The following IMPG2 variants were observed in gnomAD, a reference collection of about 807,000 sequenced individuals.
IMPG2 encodes the protein IPM 200.
IMPG2 carries 91 observed loss-of-function variants against 129.2 expected under a neutral mutation model. The observed-to-expected ratio is 0.70, with a 90% CI of 0.59 to 0.84. IMPG2 has a LOEUF of 0.84. Ranked by LOEUF, IMPG2 falls within the 40% of genes least tolerant of loss-of-function variation. IMPG2 has a pLI of 0.00. For synonymous variants in IMPG2, 510 were observed against 517.7 expected (o/e 0.99, Z 0.20); for missense variants, 1,430 against 1,461.7 (o/e 0.98, Z 0.35).
In IMPG2 at chr3:101,291,474, C is replaced by T; in HGVS notation, c.533+5G>A. The T allele has an allele frequency of 6.2e-7, 1 of 1,612,694 alleles. No individual in the cohort carries two copies. The highest frequency in any genetic ancestry group is 8.5e-7 in the Non-Finnish European group (1 of 1,178,812). On this transcript the variant is annotated splice_donor_5th_base_variant and intron_variant, in intron 4 of 18. Coordinates refer to ENST00000193391, the MANE Select transcript of IMPG2 (RefSeq NM_016247.4). ...ACATGAATTTTGGGAAAAAGAGACA[C>T]TCACCTGCTTACAGTTTCCTTTGCA...
rs1706470273 is a variant in IMPG2 at position 101,245,845 on chromosome 3, C to T, written c.1500G>A (p.Val500=). Residue 500 remains valine, a synonymous_variant, in exon 12 of 19, where the codon GTG becomes GTA. Coordinates refer to ENST00000193391, the MANE Select transcript of IMPG2 (RefSeq NM_016247.4). ...ATCCAGAAGTCCTTTCCTCAGAAGC[C>T]ACAGGCAAGCCAGTCTGAAGCACTG... ...TPAVLQTGLP[V]ASEERTSGSH... 6.2e-7 allele frequency: 1 copy of T among 1,614,080 alleles called. No individual in the cohort carries two copies. Among genetic ancestry groups the T allele is most frequent in the Admixed American group, 1.7e-5 (1 of 59,992 alleles).
intron 2 of IMPG2, among the ~76,000 whole-genome samples, chr3:101,318,315 T>C (rs1271002120): frequency 3.9e-5 from 6 of 151,974 alleles, no homozygotes; most frequent in Non-Finnish European, 7.4e-5. Flanking sequence ...GCATATGGCC[T>C]ATACTCAAAA....
In IMPG2 at chr3:101,269,500, G is replaced by A. The variant is rs1482652233; in HGVS notation, c.887+15C>T. The A allele has an allele frequency of 4.8e-6, 7 of 1,454,806 alleles. No homozygotes were observed. Among genetic ancestry groups the A allele is most frequent in the Non-Finnish European group, 5.8e-6 (6 of 1,035,372 alleles). 90.1% of individuals were successfully genotyped at this position (1,454,806 alleles called of 1,614,324 possible). A position where few individuals can be genotyped will look rare whatever the true frequency, so the allele number is the denominator to read the frequency against. ...ATACTACTGAAAATGTGCATATTTAGATAAGTCTATTTACCTAAATTCAAG... is the reference window on the plus strand; with the variant it reads ...ATACTACTGAAAATGTGCATATTTAAATAAGTCTATTTACCTAAATTCAAG... On this transcript the variant is annotated intron_variant, in intron 8 of 18. Transcript: ENST00000193391.
intron 7 of IMPG2, among the ~76,000 whole-genome samples, chr3:101,270,985 G>A (rs535409902): frequency 1.3e-5 from 2 of 152,264 alleles, no homozygotes; most frequent in Admixed American, 6.5e-5. Context: ...GTCCTCATAT[G>A]AGGAGAGTGG....
At chr3:101,314,009 T>A (rs754057561) in intron 2 of IMPG2, among the ~76,000 whole-genome samples, 8 of 152,116 alleles carry the variant, frequency 5.3e-5, no homozygotes, top group Non-Finnish European at 1.2e-4. Flanking sequence ...GTGAAATCCT[T>A]ATAAATAAAT....
chr3:101,279,201 A>G (rs1481430764), intron 4 of IMPG2, among the ~76,000 whole-genome samples: 1 of 152,216 alleles, frequency 6.6e-6, no homozygotes, highest in Non-Finnish European at 1.5e-5. Context: ...AGCCCTCATC[A>G]TGTGTCATAC....
chr3:101,305,099 T>C (rs956278791), intron 2 of IMPG2, among the ~76,000 whole-genome samples: 3 of 152,174 alleles, frequency 2.0e-5, no homozygotes, highest in Non-Finnish European at 4.4e-5. Context: ...GTGATGAAGA[T>C]GTCCTTCAAT....
chr3:101,264,359 A>G (rs572541560), intron 9 of IMPG2, among the ~76,000 whole-genome samples: 1 of 152,270 alleles, frequency 6.6e-6, no homozygotes, highest in East Asian at 1.9e-4. Context: ...CACCATGACC[A>G]AGTAGGATTT....
chr3:101,253,234 G>A (rs62282867), intron 11 of IMPG2, among the ~76,000 whole-genome samples: 121,734 of 151,284 alleles, frequency 0.8, 49,015 homozygotes, highest in Admixed American at 0.83. Flanking sequence ...GCTAGTGGAT[G>A]ATATTCTTTC....
intron 13 of IMPG2, 60 bp from the exon 14 acceptor site, chr3:101,242,967 C>A (rs1247687115): frequency 2.5e-5 from 35 of 1,392,014 alleles, no homozygotes; most frequent in East Asian, 2.3e-4. Context: ...TCAATACATA[C>A]CCAAACAAAA....
chr3:101,243,504 C>A, intron 13 of IMPG2, 25 bp downstream of exon 13: 1 of 1,606,060 alleles, frequency 6.2e-7, no homozygotes, highest in South Asian at 1.1e-5. Context: ...TTCACTAGTG[C>A]CCATGTTTCA....
intron 6 of IMPG2, 132 bp downstream of exon 6, chr3:101,275,531 T>C (rs1164389094): frequency 1.4e-6 from 1 of 721,308 alleles, no homozygotes; most frequent in East Asian, 2.6e-5. Context: ...ATGTACTGGT[T>C]TTAGGATCCA....
At chr3:101,255,885 A>G (rs1706592959) in intron 10 of IMPG2, among the ~76,000 whole-genome samples, 1 of 151,844 alleles carries the variant, frequency 6.6e-6, no homozygotes, top group South Asian at 2.1e-4. Context: ...TAGTTCTATA[A>G]TACTCTCATT....
Position 101,269,564 on chromosome 3 carries a change from C to T in IMPG2, c.838G>A (p.Ala280Thr), listed in dbSNP as rs777933245. 6.3e-7 allele frequency: 1 copy of T among 1,581,470 alleles called. No individual in the cohort carries two copies. Residue 280 changes from alanine (A) to threonine (T), a missense_variant, in exon 8 of 19, where the codon GCA becomes ACA. Coordinates refer to ENST00000193391, the MANE Select transcript of IMPG2 (RefSeq NM_016247.4). ...EEEFISEVEN[A>T]FTGLPGYKEI... Reference sequence around the variant, plus strand: ...TTGTAGCCTGGTAACCCAGTAAATGCATTTTCAACCTGTTAAAAGTACAAA... The same window carrying T: ...TTGTAGCCTGGTAACCCAGTAAATGTATTTTCAACCTGTTAAAAGTACAAA...
In IMPG2 at chr3:101,226,952, C is replaced by T. The variant is rs199541140; in HGVS notation, c.*17G>A. 6.2e-7 allele frequency: 1 copy of T among 1,612,834 alleles called. No individual in the cohort carries two copies. Among genetic ancestry groups the T allele is most frequent in the Admixed American group, 1.7e-5 (1 of 59,998 alleles). ...TCTTCTCCAGGCTTCTAATCAGTTT[C>T]AGAACAGGAGTTTTGGTTAAACCTC... On this transcript the variant is annotated 3_prime_UTR_variant, in exon 19 of 19. Coordinates refer to ENST00000193391, the MANE Select transcript of IMPG2 (RefSeq NM_016247.4).
In IMPG2 at chr3:101,228,788, A is replaced by G. The variant is rs1201504984; in HGVS notation, c.3713+9T>C. 1 of 1,612,552 alleles carries G rather than the reference A, an allele frequency of 6.2e-7. No individual in the cohort carries two copies. Among genetic ancestry groups the G allele is most frequent in the East Asian group, 2.2e-5 (1 of 44,846 alleles). ...TAGGTCGGGGTGGGGGGCTGTTTCA[A>G]AAGCTTACACTTGTTGCTCTCTCAC... On this transcript the variant is annotated intron_variant, in intron 18 of 18. Coordinates refer to ENST00000193391, the MANE Select transcript of IMPG2 (RefSeq NM_016247.4).
chr3:101,243,795 C>T lies in IMPG2; in HGVS notation c.2536G>A (p.Gly846Ser). 2 of 1,614,124 alleles carry T rather than the reference C, an allele frequency of 1.2e-6. No homozygotes were observed. Among genetic ancestry groups the T allele is most frequent in the Non-Finnish European group, 1.7e-6 (2 of 1,179,982 alleles). ...QDISLELDRI[G>S]TDYYQPEQVQ... ...TGCTCAGGCTGATAGTAATCTGTGC[C>T]TATCCGGTCCAGTTCTAACGAAATA... Residue 846 changes from glycine to serine, a missense_variant, in exon 13 of 19, where the codon GGC becomes AGC. By Grantham distance (56) the Gly-to-Ser change is moderately conservative. Coordinates refer to ENST00000193391, the MANE Select transcript of IMPG2 (RefSeq NM_016247.4).
intron 13 of IMPG2, 45 bp downstream of exon 13, chr3:101,243,484 T>C: frequency 1.3e-6 from 2 of 1,558,334 alleles, no homozygotes; most frequent in Non-Finnish European, 1.8e-6. Flanking sequence ...GAGTCGGTCA[T>C]ACATGATTAT....
intron 4 of IMPG2, among the ~76,000 whole-genome samples, chr3:101,287,587 A>G (rs2107123175): frequency 6.6e-6 from 1 of 152,282 alleles, no homozygotes; most frequent in African/African-American, 2.4e-5. Context: ...ATAAAGCTTC[A>G]CATCTACAAC....
Sources: gnomAD v4.1 joint callset for allele counts (sites outside exome capture counted in the v4.1 genomes callset) on GRCh38, gnomAD v4.1.1 for gene constraint, MANE v1.5 for transcripts, NCBI Gene and HGNC (gene_info 2026-07-23, HGNC 2026-07-21) for gene names.